OPCML: variants seen among roughly 807,000 people sequenced by gnomAD.
OPCML encodes the protein opioid-binding protein/cell adhesion molecule.
In OPCML, 13 loss-of-function variants were observed where a neutral mutation model predicts 37.8. The observed-to-expected ratio is 0.34, with a 90% CI of 0.22 to 0.55. The LOEUF (loss-of-function observed/expected upper bound fraction) is 0.55, where lower values mean the gene tolerates loss of function less well. OPCML is among the 20% of genes least tolerant of loss of function. OPCML has a pLI of 0.91. For synonymous variants in OPCML, 176 were observed against 168.8 expected, an observed-to-expected ratio of 1.04 and a Z score of -0.33; for missense variants, 341 against 435.6, an observed-to-expected ratio of 0.78 and a Z score of 1.93.
rs184977218 is a variant in OPCML at position 133,370,392 on chromosome 11, A to G, written c.61+161872T>C. ...AGTAAAGTTGCAGTCTGTAAAATCA[A>G]TATACAAAAATCAGCAGCATTTCTA... On this transcript the variant is annotated intron_variant, in intron 1 of 7. Transcript: ENST00000524381. 3.1e-3 allele frequency among the ~76,000 whole-genome samples: 469 copies of G among 152,268 alleles called. 2 individuals carry two copies. The highest frequency in any genetic ancestry group is 9.9e-3 in the African/African-American group (412 of 41,554).
intron 3 of OPCML, among the ~76,000 whole-genome samples, chr11:132,631,818 AG>A (rs1003008840): frequency 3.9e-5 from 6 of 152,168 alleles, no homozygotes; most frequent in Non-Finnish European, 8.8e-5. Flanking sequence ...AGCACAAGAC[AG>A]GTAGTGTCTA....
chr11:132,891,126 T>C (rs564445200), intron 2 of OPCML, among the ~76,000 whole-genome samples: 1 of 152,320 alleles, frequency 6.6e-6, no homozygotes, highest in African/African-American at 2.4e-5. Flanking sequence ...TTAGGTAAGG[T>C]AGTTCTAGGT....
chr11:133,376,582 T>C (rs1944809079), intron 1 of OPCML, among the ~76,000 whole-genome samples: 1 of 152,194 alleles, frequency 6.6e-6, no homozygotes, highest in African/African-American at 2.4e-5. Flanking sequence ...TTTATGTGGT[T>C]TATGAGAATA....
intron 3 of OPCML, among the ~76,000 whole-genome samples, chr11:132,628,215 GAGA>G (rs1408226749): frequency 1.3e-5 from 2 of 152,126 alleles, no homozygotes; most frequent in Non-Finnish European, 2.9e-5. Flanking sequence ...GCCATGAACA[GAGA>G]AGGAGAGAGC....
chr11:133,090,440 T>C (rs541551559), intron 1 of OPCML, among the ~76,000 whole-genome samples: 79 of 152,192 alleles, frequency 5.2e-4, no homozygotes, highest in Non-Finnish European at 7.6e-4. Flanking sequence ...TAAATCTTCT[T>C]AGACATTATC....
chr11:132,719,649 C>T (rs73599355), intron 2 of OPCML, among the ~76,000 whole-genome samples: 3,822 of 152,238 alleles, frequency 0.025, 130 homozygotes, highest in African/African-American at 0.086. Flanking sequence ...AGCTTCTTCC[C>T]CCAGGAGAAG....
At chr11:133,529,580 G>A (rs907180484) in intron 1 of OPCML, among the ~76,000 whole-genome samples, 11 of 152,182 alleles carry the variant, frequency 7.2e-5, no homozygotes, top group Admixed American at 5.9e-4. Context: ...GGTACCAGGC[G>A]ACAACAGCAT....
At chr11:132,923,871 C>G (rs757600585) in intron 2 of OPCML, among the ~76,000 whole-genome samples, 2 of 144,600 alleles carry the variant, frequency 1.4e-5, no homozygotes, top group Non-Finnish European at 3.0e-5. Context: ...TCAAGCAATT[C>G]TCCTTCCTCA....
chr11:133,410,648 AAAAAAAAAAAAAAAAAAAAAAAAAAG>A (rs1945630151), intron 1 of OPCML, among the ~76,000 whole-genome samples: 1 of 88,766 alleles, frequency 1.1e-5, no homozygotes, highest in Non-Finnish European at 2.4e-5. Context: ...AAAAAAAAAA[AAAAAAAAAAAAAAAAAAAAAAAAAAG>A]ACCTCTCTTT....
At chr11:133,301,474 C>G (rs1340152649) in intron 1 of OPCML, 1 of 152,006 alleles carries the variant, frequency 6.6e-6, no homozygotes, top group Non-Finnish European at 1.5e-5. Flanking sequence ...GAGGTTTGTT[C>G]CAAAATGAAT....
intron 3 of OPCML, among the ~76,000 whole-genome samples, chr11:132,610,959 C>T (rs1259960174): frequency 6.6e-6 from 1 of 152,216 alleles, no homozygotes; most frequent in Admixed American, 6.5e-5. Context: ...CCATGGTGAG[C>T]AATGGCTTCT....
At chr11:133,108,117 G>A (rs1949189234) in intron 1 of OPCML, among the ~76,000 whole-genome samples, 1 of 152,206 alleles carries the variant, frequency 6.6e-6, no homozygotes, top group Admixed American at 6.5e-5. Flanking sequence ...GATCAAGACA[G>A]AAGTAAATTA....
At chr11:132,452,522 CTTCT>C (rs1481066747) in intron 4 of OPCML, among the ~76,000 whole-genome samples, 1 of 147,614 alleles carries the variant, frequency 6.8e-6, no homozygotes, top group East Asian at 2.1e-4. Flanking sequence ...TCCTTCCTTC[CTTCT>C]TTCAGCCTGC....
chr11:132,423,139 G>A (rs2095965832), intron 7 of OPCML, among the ~76,000 whole-genome samples: 2 of 152,170 alleles, frequency 1.3e-5, no homozygotes. Flanking sequence ...TTGCACTTCA[G>A]AATTCCATCT....
intron 3 of OPCML, among the ~76,000 whole-genome samples, chr11:132,535,907 C>T (rs1447682945): frequency 1.3e-5 from 2 of 152,146 alleles, no homozygotes; most frequent in African/African-American, 2.4e-5. Context: ...GCTGCTTCCT[C>T]ATTCTCTCCA....
chr11:132,538,854 C>G lies in OPCML; in HGVS notation c.380-9668G>C, dbSNP rs149019684. On this transcript the variant is annotated intron_variant, in intron 3 of 7. Transcript: ENST00000524381. Reference sequence around the variant, plus strand: ...CCTCATGTTAATTCATGATTCCACACTTTTGCATGTGCTGTTCCTTCTGCC... The same window carrying G: ...CCTCATGTTAATTCATGATTCCACAGTTTTGCATGTGCTGTTCCTTCTGCC... Among the ~76,000 whole-genome samples the G allele has an allele frequency of 3.5e-4, 54 of 152,268 alleles. No homozygotes were observed. The East Asian group carries it at 0.01, about 30-fold the overall frequency.
intron 2 of OPCML, among the ~76,000 whole-genome samples, chr11:132,676,789 GAAA>G (rs1196087295): frequency 0.015 from 1,373 of 93,808 alleles, 16 homozygotes; most frequent in African/African-American, 0.032. Context: ...AAACAAACAA[GAAA>G]AAAAAAAAAA....
intron 3 of OPCML, among the ~76,000 whole-genome samples, chr11:132,637,511 G>C (rs573393042): frequency 1.1e-3 from 163 of 152,232 alleles, no homozygotes; most frequent in Non-Finnish European, 1.6e-3. Flanking sequence ...TTGTTCAGCA[G>C]GTTTGTGCCC....
At chr11:132,624,913 A>G (rs1056238413) in intron 3 of OPCML, among the ~76,000 whole-genome samples, 1 of 152,176 alleles carries the variant, frequency 6.6e-6, no homozygotes, top group Non-Finnish European at 1.5e-5. Flanking sequence ...ATTTCAGATC[A>G]GCATCAAATC....
Sources: gnomAD v4.1 joint callset for allele counts (sites outside exome capture counted in the v4.1 genomes callset) on GRCh38, gnomAD v4.1.1 for gene constraint, MANE v1.5 for transcripts, NCBI Gene and HGNC (gene_info 2026-07-23, HGNC 2026-07-21) for gene names.